SPECC1: variants seen among roughly 807,000 people sequenced by gnomAD.
SPECC1 encodes the protein cytospin-B.
In SPECC1, 62 loss-of-function variants were observed where a neutral mutation model predicts 104.1. The ratio of observed to expected loss-of-function variants is 0.60; its 90% CI spans 0.49 to 0.74. The LOEUF (loss-of-function observed/expected upper bound fraction) is 0.74. Ranked by LOEUF, SPECC1 falls within the 30% of genes least tolerant of loss-of-function variation. SPECC1 has a pLI of 0.00. For missense variants in SPECC1, 1,306 were observed against 1,310.5 expected (o/e 1.00, Z 0.05); for synonymous variants, 513 against 501.6 (o/e 1.02, Z -0.30).
chr17:20,274,938 TTAA>T (rs1196625065), intron 12 of SPECC1, among the ~76,000 whole-genome samples: 2 of 151,548 alleles, frequency 1.3e-5, no homozygotes, highest in African/African-American at 2.4e-5. Context: ...ATTAAATAAT[TTAA>T]TAATAATTTA....
Position 20,194,502 on chromosome 17 carries a change from A to ATTATTATTTTTTTTTTTTTTTTTT in SPECC1, c.284-9829_284-9828insATTATTTTTTTTTTTTTTTTTTTT. ...TGTGTTCTGTTAGAAAAGAGAACGA[A>ATTATTATTTTTTTTTTTTTTTTTT]TTTTTTTTTTTTTTTTTTTTTTTGA... On this transcript the variant is annotated intron_variant, in intron 3 of 14. Transcript: ENST00000395527. Among the ~76,000 whole-genome samples, 77 of 86,534 alleles carry ATTATTATTTTTTTTTTTTTTTTTT rather than the reference A, an allele frequency of 8.9e-4. 1 individual carries two copies. Among genetic ancestry groups the ATTATTATTTTTTTTTTTTTTTTTT allele is most frequent in the East Asian group, 2.7e-3 (7 of 2,566 alleles). 56.8% of individuals were successfully genotyped at this position (86,534 alleles called of 152,430 possible).
chr17:20,174,813 G>A (rs944157488), intron 3 of SPECC1, among the ~76,000 whole-genome samples: 1 of 152,058 alleles, frequency 6.6e-6, no homozygotes, highest in African/African-American at 2.4e-5. Flanking sequence ...TCAGCGCCTA[G>A]ACCTGACTCA....
intron 2 of SPECC1, among the ~76,000 whole-genome samples, chr17:20,102,587 T>G (rs2047994997): frequency 6.6e-6 from 1 of 152,186 alleles, no homozygotes; most frequent in South Asian, 2.1e-4. Context: ...CAATAGCTGA[T>G]GTGTGTTATC....
chr17:20,077,570 G>A (rs1350957133), intron 1 of SPECC1, among the ~76,000 whole-genome samples: 4 of 151,922 alleles, frequency 2.6e-5, no homozygotes, highest in African/African-American at 9.7e-5. Context: ...AGGTTCAAGC[G>A]ATTCTCCTGC....
In SPECC1 at chr17:20,094,162, A is replaced by G. The variant is rs1030413683; in HGVS notation, c.-21-2469A>G. Among the ~76,000 whole-genome samples the G allele has an allele frequency of 2.0e-5, 3 of 152,124 alleles. No homozygotes were observed. The South Asian group carries it at 6.2e-4, about 32-fold the overall frequency. Reference sequence around the variant, plus strand: ...GAAGCCGAAGATGCTCAGGAAAGGGAGTGTGGGCAGCAGGAGGGGGATGGA... The same window carrying G: ...GAAGCCGAAGATGCTCAGGAAAGGGGGTGTGGGCAGCAGGAGGGGGATGGA... On this transcript the variant is annotated intron_variant, in intron 1 of 14. Coordinates refer to ENST00000395527, the MANE Select transcript of SPECC1 (RefSeq NM_001243439.2).
chr17:20,248,460 T>C (rs909988256), intron 9 of SPECC1, among the ~76,000 whole-genome samples: 1 of 152,184 alleles, frequency 6.6e-6, no homozygotes, highest in African/African-American at 2.4e-5. Context: ...AAAGGAAATG[T>C]ATTTGACCTG....
At chr17:20,018,900 C>T (rs1240100299) in intron 1 of SPECC1, among the ~76,000 whole-genome samples, 1 of 152,184 alleles carries the variant, frequency 6.6e-6, no homozygotes, top group African/African-American at 2.4e-5. Flanking sequence ...TGCAGGCCCC[C>T]TTTGCCCAGC....
chr17:20,267,664 G>T (rs1384345173), intron 12 of SPECC1, among the ~76,000 whole-genome samples: 1 of 152,098 alleles, frequency 6.6e-6, no homozygotes, highest in Non-Finnish European at 1.5e-5. Context: ...GCCAAGAAGG[G>T]CCCCCTGGCT....
intron 3 of SPECC1, among the ~76,000 whole-genome samples, chr17:20,146,523 G>T (rs542796358): frequency 6.6e-6 from 1 of 152,290 alleles, no homozygotes; most frequent in Admixed American, 6.5e-5. Flanking sequence ...TCATGTGCAG[G>T]TTTTTGTGTA....
chr17:20,043,014 G>T (rs983178517), intron 1 of SPECC1, among the ~76,000 whole-genome samples: 1 of 152,176 alleles, frequency 6.6e-6, no homozygotes, highest in Non-Finnish European at 1.5e-5. Context: ...CTTTTCGTTT[G>T]TTTTTAAATA....
chr17:20,021,929 TATTATA>T (rs975459432), intron 1 of SPECC1, among the ~76,000 whole-genome samples: 5 of 148,840 alleles, frequency 3.4e-5, no homozygotes, highest in African/African-American at 1.2e-4. Flanking sequence ...TATTTATTAT[TATTATA>T]ATTATAATTA....
chr17:20,218,656 T>A (rs983782137), intron 4 of SPECC1, among the ~76,000 whole-genome samples: 1 of 152,142 alleles, frequency 6.6e-6, no homozygotes, highest in Admixed American at 6.5e-5. Flanking sequence ...TTAATTGTTA[T>A]GGGTACATAG....
intron 3 of SPECC1, among the ~76,000 whole-genome samples, chr17:20,143,414 TG>T (rs1234547483): frequency 1.3e-5 from 2 of 148,792 alleles, no homozygotes; most frequent in Non-Finnish European, 3.0e-5. Flanking sequence ...CCGAGCGTGG[TG>T]GCTCATGCCT....
intron 1 of SPECC1, among the ~76,000 whole-genome samples, chr17:20,017,766 A>T (rs915253389): frequency 3.9e-5 from 6 of 152,178 alleles, no homozygotes; most frequent in Non-Finnish European, 4.4e-5. Flanking sequence ...TTGGTATATC[A>T]CAAAGATCGT....
chr17:20,181,283 AAG>A (rs1449217387), intron 3 of SPECC1, among the ~76,000 whole-genome samples: 1 of 152,106 alleles, frequency 6.6e-6, no homozygotes, highest in East Asian at 1.9e-4. Context: ...GTACAAAATA[AAG>A]AGAAAGGTAA....
chr17:20,277,928 C>G (rs1180628583), intron 12 of SPECC1, among the ~76,000 whole-genome samples: 1 of 152,186 alleles, frequency 6.6e-6, no homozygotes, highest in Non-Finnish European at 1.5e-5. Flanking sequence ...ATCCATCTGT[C>G]CACCTTCTCC....
chr17:20,031,834 T>A (rs936173984), intron 1 of SPECC1, among the ~76,000 whole-genome samples: 2 of 152,224 alleles, frequency 1.3e-5, no homozygotes, highest in Non-Finnish European at 2.9e-5. Flanking sequence ...TGTGTCAGAA[T>A]TTCATTCCTT....
intron 1 of SPECC1, among the ~76,000 whole-genome samples, chr17:20,077,354 C>T (rs2046798376): frequency 6.6e-6 from 1 of 152,114 alleles, no homozygotes; most frequent in Non-Finnish European, 1.5e-5. Flanking sequence ...TTTTATACCT[C>T]CAGCTTTTCT....
chr17:20,083,162 C>T (rs780375467), intron 1 of SPECC1, among the ~76,000 whole-genome samples: 35 of 152,188 alleles, frequency 2.3e-4, no homozygotes, highest in Non-Finnish European at 4.4e-4. Context: ...GAACACTTCT[C>T]ATATGTAAGG....
Sources: allele counts gnomAD v4.1 joint callset (sites outside exome capture counted in the v4.1 genomes callset), GRCh38; gene constraint gnomAD v4.1.1; transcripts MANE v1.5; gene names NCBI Gene and HGNC (gene_info 2026-07-23, HGNC 2026-07-21).